The following RIMS1 variants were observed in gnomAD, a reference collection of about 807,000 sequenced individuals.
RIMS1 encodes the protein regulating synaptic membrane exocytosis 1, also known as regulating synaptic membrane exocytosis protein 1.
Under a neutral mutation model 214.1 loss-of-function variants are expected in RIMS1, and 83 were observed. The ratio of observed to expected loss-of-function variants is 0.39; its 90% CI spans 0.32 to 0.47. RIMS1 has a LOEUF of 0.47. RIMS1 is among the 20% of genes least tolerant of loss of function. The pLI, the probability that RIMS1 is intolerant of heterozygous loss-of-function variation, is 0.99. For synonymous variants in RIMS1, 793 were observed against 786.8 expected (o/e 1.01, Z -0.13); for missense variants, 2,050 against 2,161.8 (o/e 0.95, Z 1.03).
intron 2 of RIMS1, among the ~76,000 whole-genome samples, chr6:71,990,631 ATCGGAGATGGCTT>A (rs1160767895): frequency 1.6e-4 from 24 of 152,190 alleles, no homozygotes; most frequent in African/African-American, 5.8e-4. Context: ...TAATAAAGAA[ATCGGAGATGGCTT>A]CCATGAGAGA....
chr6:72,313,809 G>T (rs934583451), intron 28 of RIMS1, 137 bp downstream of exon 28: 71 of 848,438 alleles, frequency 8.4e-5, no homozygotes, highest in Non-Finnish European at 2.7e-5. Context: ...ATGTAGTATT[G>T]CCAACAGAAT....
intron 1 of RIMS1, among the ~76,000 whole-genome samples, chr6:71,919,184 A>T (rs989233975): frequency 6.6e-6 from 1 of 152,162 alleles, no homozygotes. Flanking sequence ...TTTATAACTT[A>T]TAAGTGCCCA....
At chr6:72,216,657 G>A in intron 6 of RIMS1, 1 of 985,598 alleles carries the variant, frequency 1.0e-6, no homozygotes, top group African/African-American at 1.7e-5. Context: ...TCTGTGGTCT[G>A]ACAGGCATCT....
chr6:72,188,243 C>T (rs374814247), intron 6 of RIMS1, among the ~76,000 whole-genome samples: 1 of 152,158 alleles, frequency 6.6e-6, no homozygotes, highest in South Asian at 2.1e-4. Context: ...AGTTGACACT[C>T]GATATTAACC....
chr6:72,194,760 G>GCA (rs1008701030), intron 6 of RIMS1, among the ~76,000 whole-genome samples: 41 of 151,928 alleles, frequency 2.7e-4, no homozygotes, highest in East Asian at 5.8e-4. Context: ...CACATGCAAA[G>GCA]CACACACACA....
At chr6:72,379,938 G>A (rs2098456782) in intron 29 of RIMS1, among the ~76,000 whole-genome samples, 1 of 152,044 alleles carries the variant, frequency 6.6e-6, no homozygotes, top group African/African-American at 2.4e-5. Context: ...CCAAAACCTT[G>A]AGTTTAAATA....
rs554933920 is a variant in RIMS1 at position 72,144,164 on chromosome 6, A to G, written c.472-35411A>G. 2.4e-3 allele frequency among the ~76,000 whole-genome samples: 358 copies of G among 152,334 alleles called. 1 individual carries two copies. Among genetic ancestry groups the G allele is most frequent in the African/African-American group, 7.9e-3 (329 of 41,590 alleles). On this transcript the variant is annotated intron_variant, in intron 4 of 33. Coordinates refer to ENST00000521978, the MANE Select transcript of RIMS1 (RefSeq NM_014989.7). ...AATGACAACTATTCATTATGCATCT[A>G]TTAAGTGTTATTCAAGCAGTTGGCC...
At chr6:71,919,975 AAAC>A (rs1286004043) in intron 1 of RIMS1, among the ~76,000 whole-genome samples, 1 of 152,176 alleles carries the variant, frequency 6.6e-6, no homozygotes, top group East Asian at 1.9e-4. Flanking sequence ...ATGACCAACA[AAAC>A]AACAATATTT....
intron 28 of RIMS1, chr6:72,316,608 C>T: frequency 4.4e-6 from 2 of 453,034 alleles, no homozygotes; most frequent in Non-Finnish European, 8.6e-6. Context: ...ACAGGCTGCA[C>T]CAAGAGAGCA....
At chr6:72,327,574 T>G (rs1053658888) in intron 28 of RIMS1, among the ~76,000 whole-genome samples, 1 of 151,842 alleles carries the variant, frequency 6.6e-6, no homozygotes, top group Non-Finnish European at 1.5e-5. Context: ...CTAGTTTACC[T>G]GTATTTAAAG....
rs4034728 is a variant in RIMS1 at position 71,936,326 on chromosome 6, CAAAAAAAAAAAAAAA to C, written c.165-32645_165-32631del. 4.9e-4 allele frequency among the ~76,000 whole-genome samples: 34 copies of C among 68,704 alleles called. 1 individual carries two copies. The highest frequency in any genetic ancestry group is 2.6e-5 in the Non-Finnish European group (1 of 38,426). The allele number at this position is 68,704 out of a possible 152,430, so 45.1% of individuals were successfully genotyped here. A position where few individuals can be genotyped will look rare whatever the true frequency, so the allele number is the denominator to read the frequency against. On this transcript the variant is annotated intron_variant, in intron 1 of 33. Transcript: ENST00000521978. ...TGGGCGACAGAGCGAGACTCCGTCT[CAAAAAAAAAAAAAAA>C]AAAAAAAAAAAGAAAAGAAAAGGAA...
intron 2 of RIMS1, among the ~76,000 whole-genome samples, chr6:72,055,838 G>T (rs559883960): frequency 1.3e-5 from 2 of 152,286 alleles, no homozygotes; most frequent in East Asian, 3.9e-4. Context: ...TTTATCCATT[G>T]TGAAAAGCAG....
intron 4 of RIMS1, among the ~76,000 whole-genome samples, chr6:72,101,616 A>G (rs2033610587): frequency 6.6e-6 from 1 of 151,964 alleles, no homozygotes; most frequent in Non-Finnish European, 1.5e-5. Context: ...AAGAGAGATA[A>G]GGGTGAATAA....
chr6:72,128,406 T>TAA (rs144135677), intron 4 of RIMS1, among the ~76,000 whole-genome samples: 2 of 151,320 alleles, frequency 1.3e-5, no homozygotes, highest in African/African-American at 4.9e-5. Flanking sequence ...TGTCCTTTTT[T>TAA]AAAAAAAAAT....
At chr6:72,214,792 G>T (rs2055055648) in intron 6 of RIMS1, among the ~76,000 whole-genome samples, 3 of 151,886 alleles carry the variant, frequency 2.0e-5, no homozygotes, top group African/African-American at 7.3e-5. Flanking sequence ...TGCGATCTTG[G>T]CTCGTTGCAA....
chr6:71,947,580 A>G (rs1313385149), intron 1 of RIMS1, among the ~76,000 whole-genome samples: 1 of 152,124 alleles, frequency 6.6e-6, no homozygotes, highest in South Asian at 2.1e-4. Flanking sequence ...GTCAAATGAC[A>G]TAACATTTCA....
intron 11 of RIMS1, among the ~76,000 whole-genome samples, chr6:72,247,635 T>G (rs2070799727): frequency 6.6e-6 from 1 of 152,042 alleles, no homozygotes; most frequent in South Asian, 2.1e-4. Flanking sequence ...ATATTATGTA[T>G]GCATTCATTT....
chr6:72,212,489 A>G (rs370175487), intron 6 of RIMS1, among the ~76,000 whole-genome samples: 1 of 152,188 alleles, frequency 6.6e-6, no homozygotes, highest in African/African-American at 2.4e-5. Context: ...AGAAGAAACA[A>G]AAGTGTATTT....
intron 24 of RIMS1, among the ~76,000 whole-genome samples, chr6:72,288,354 ACATG>A (rs1226505410): frequency 6.6e-6 from 1 of 152,248 alleles, no homozygotes; most frequent in Non-Finnish European, 1.5e-5. Flanking sequence ...ATGCATGAAT[ACATG>A]CATGCCTGCA....
Sources: allele counts gnomAD v4.1 joint callset (sites outside exome capture counted in the v4.1 genomes callset), GRCh38; gene constraint gnomAD v4.1.1; transcripts MANE v1.5; gene names NCBI Gene and HGNC (gene_info 2026-07-23, HGNC 2026-07-21).